The following SLC25A21 variants were observed in gnomAD, a reference collection of about 807,000 sequenced individuals.
The protein encoded by SLC25A21 is solute carrier family 25 member 21.
Under a neutral mutation model 43.8 loss-of-function variants are expected in SLC25A21, and 47 were observed. The ratio of observed to expected loss-of-function variants is 1.07; its 90% CI spans 0.85 to 1.37. SLC25A21 has a LOEUF of 1.37. Among genes scored for constraint, SLC25A21 ranks in the 40% most tolerant of loss-of-function variants. The probability of loss-of-function intolerance (pLI) is 0.00; values close to 1 mark genes in which losing one functional copy is unlikely to be tolerated. For missense variants in SLC25A21, 352 were observed against 350.2 expected (o/e 1.00, Z -0.04); for synonymous variants, 131 against 121.3 (o/e 1.08, Z -0.52).
rs1380089992 is a variant in SLC25A21, at chr14:37,124,414, A to G, written c.70+47867T>C. 3.9e-5 allele frequency among the ~76,000 whole-genome samples: 6 copies of G among 152,250 alleles called. No individual in the cohort carries two copies. The East Asian group carries it at 1.2e-3, about 29-fold the overall frequency. ...CAGCAGTTCTGTAAACAGAAGATCT[A>G]GTTTAAACACTGCAGACCTGAGATG... On this transcript the variant is annotated intron_variant, in intron 1 of 9. Transcript: ENST00000331299.
chr14:37,076,232 C>T (rs1458309511), intron 1 of SLC25A21, among the ~76,000 whole-genome samples: 1 of 152,054 alleles, frequency 6.6e-6, no homozygotes, highest in African/African-American at 2.4e-5. Flanking sequence ...GCAATCTCAG[C>T]TCACTGCAAC....
At chr14:36,801,065 C>G (rs974898230) in intron 3 of SLC25A21, among the ~76,000 whole-genome samples, 4 of 152,284 alleles carry the variant, frequency 2.6e-5, no homozygotes, top group Admixed American at 2.6e-4. Flanking sequence ...ATTCCTGAGG[C>G]AGAGCTCTCA....
intron 6 of SLC25A21, among the ~76,000 whole-genome samples, chr14:36,711,997 A>G (rs1883898248): frequency 6.6e-6 from 1 of 152,206 alleles, no homozygotes; most frequent in Non-Finnish European, 1.5e-5. Flanking sequence ...CCATAAATAA[A>G]TAGCTGTTGA....
At chr14:36,934,852 G>T (rs1892380929) in intron 1 of SLC25A21, among the ~76,000 whole-genome samples, 1 of 151,856 alleles carries the variant, frequency 6.6e-6, no homozygotes, top group South Asian at 2.1e-4. Context: ...TGTTTTCCAG[G>T]TACTATTTCC....
intron 7 of SLC25A21, among the ~76,000 whole-genome samples, chr14:36,709,325 T>G (rs1883728189): frequency 6.6e-6 from 1 of 152,226 alleles, no homozygotes; most frequent in Non-Finnish European, 1.5e-5. Context: ...CTTCAAATTC[T>G]TAATAATTTC....
chr14:37,011,791 A>T (rs751202), intron 1 of SLC25A21, among the ~76,000 whole-genome samples: 28,611 of 152,066 alleles, frequency 0.19, 3,043 homozygotes, highest in East Asian at 0.37. Context: ...TTTTGCTGAA[A>T]TTTTCTAACT....
chr14:36,942,368 T>G (rs145569707), intron 1 of SLC25A21, among the ~76,000 whole-genome samples: 45 of 152,186 alleles, frequency 3.0e-4, no homozygotes, highest in African/African-American at 1.0e-3. Flanking sequence ...CTGAACTATC[T>G]TGGGACAAGA....
At chr14:37,082,305 C>G (rs1283870003) in intron 1 of SLC25A21, among the ~76,000 whole-genome samples, 1 of 152,128 alleles carries the variant, frequency 6.6e-6, no homozygotes, top group Non-Finnish European at 1.5e-5. Flanking sequence ...GACAGGATGA[C>G]AGGATCCATA....
chr14:36,889,058 T>C (rs550489083), intron 1 of SLC25A21, among the ~76,000 whole-genome samples: 1 of 152,220 alleles, frequency 6.6e-6, no homozygotes, highest in Non-Finnish European at 1.5e-5. Context: ...ACACAAATTC[T>C]TTTTGAACTG....
intron 1 of SLC25A21, among the ~76,000 whole-genome samples, chr14:37,085,068 C>T (rs904215877): frequency 1.3e-5 from 2 of 151,948 alleles, no homozygotes; most frequent in African/African-American, 4.8e-5. Flanking sequence ...ATGATTATTA[C>T]TAAAAATAAT....
At chr14:36,848,177 G>C (rs1022012473) in intron 2 of SLC25A21, among the ~76,000 whole-genome samples, 4 of 152,096 alleles carry the variant, frequency 2.6e-5, no homozygotes, top group African/African-American at 9.7e-5. Context: ...TCTCTTTTTA[G>C]GTTATCACCC....
chr14:37,097,563 C>T (rs1235756412), intron 1 of SLC25A21, among the ~76,000 whole-genome samples: 1 of 152,054 alleles, frequency 6.6e-6, no homozygotes, highest in Non-Finnish European at 1.5e-5. Context: ...ACAATGTTTG[C>T]AACTTAGTCT....
chr14:36,742,212 CT>C (rs1359549660), intron 3 of SLC25A21, among the ~76,000 whole-genome samples: 1 of 152,108 alleles, frequency 6.6e-6, no homozygotes, highest in Admixed American at 6.5e-5. Flanking sequence ...CTTTAAGGAT[CT>C]CCTAATACAA....
chr14:36,734,394 A>T, intron 4 of SLC25A21, 113 bp downstream of exon 4: 1 of 644,684 alleles, frequency 1.6e-6, no homozygotes, highest in Non-Finnish European at 2.5e-6. Flanking sequence ...TAATTTCTGC[A>T]TTAAAATTTT....
At chr14:37,153,348 G>A (rs1435532966) in intron 1 of SLC25A21, among the ~76,000 whole-genome samples, 3 of 152,222 alleles carry the variant, frequency 2.0e-5, no homozygotes, top group East Asian at 1.9e-4. Flanking sequence ...GCTGGAATGA[G>A]GAGTAAGATG....
chr14:36,812,716 T>G (rs2138444053), intron 3 of SLC25A21, among the ~76,000 whole-genome samples: 1 of 152,246 alleles, frequency 6.6e-6, no homozygotes, highest in Non-Finnish European at 1.5e-5. Flanking sequence ...AATAAATGAT[T>G]AGCAGAATAG....
chr14:36,930,230 C>G (rs1297362874), intron 1 of SLC25A21, among the ~76,000 whole-genome samples: 2 of 152,126 alleles, frequency 1.3e-5, no homozygotes, highest in Non-Finnish European at 2.9e-5. Flanking sequence ...TCATAAGCCA[C>G]CAAGTTTTGG....
Position 37,094,771 on chromosome 14 carries a change from G to T in SLC25A21, c.70+77510C>A, listed in dbSNP as rs531260289. On this transcript the variant is annotated intron_variant, in intron 1 of 9. Transcript: ENST00000331299. ...AAAAACTGCAAACAAGTTAAATATC[G>T]CCAGTAGCAGCTGGCTGAATAAACT... 1.2e-4 allele frequency among the ~76,000 whole-genome samples: 18 copies of T among 150,462 alleles called. No homozygotes were observed. The East Asian group carries it at 3.5e-3, about 29-fold the overall frequency.
intron 1 of SLC25A21, among the ~76,000 whole-genome samples, chr14:36,930,407 T>C (rs188385198): frequency 5.9e-5 from 9 of 152,288 alleles, no homozygotes; most frequent in Admixed American, 5.2e-4. Context: ...CTGGGAGTCA[T>C]GGTAAACTCC....
Sources: allele counts gnomAD v4.1 joint callset (sites outside exome capture counted in the v4.1 genomes callset), GRCh38; gene constraint gnomAD v4.1.1; transcripts MANE v1.5; gene names NCBI Gene and HGNC (gene_info 2026-07-23, HGNC 2026-07-21).